The following ABCD2 variants were observed in gnomAD, a reference collection of about 807,000 sequenced individuals.
ABCD2 encodes ATP-binding cassette sub-family D member 2.
A neutral mutation model predicts 70.9 loss-of-function variants in ABCD2; 36 were observed. The ratio of observed to expected loss-of-function variants is 0.51; its 90% CI spans 0.39 to 0.67. ABCD2 has a LOEUF of 0.67. ABCD2 is among the 30% of genes least tolerant of loss of function. ABCD2 has a pLI of 0.00. For missense variants in ABCD2, 729 were observed against 890.2 expected, an observed-to-expected ratio of 0.82 and a Z score of 2.30; for synonymous variants, 304 against 306.9, an observed-to-expected ratio of 0.99 and a Z score of 0.10.
In ABCD2 at chr12:39,616,988, C is replaced by T; in HGVS notation, c.1120G>A (p.Glu374Lys). 6.3e-7 allele frequency: 1 copy of T among 1,580,776 alleles called. No homozygotes were observed. The highest frequency in any genetic ancestry group is 2.3e-5 in the East Asian group (1 of 44,310). The change falls in exon 2 of 10, where the codon GAG becomes AAG. Residue 374 changes from glutamate (E) to lysine (K), a missense_variant and splice_region_variant. By Grantham distance (56) the Glu-to-Lys change is moderately conservative. Coordinates refer to ENST00000308666, the MANE Select transcript of ABCD2 (RefSeq NM_005164.4). ...IITATGFADGEDGQKQVMVSE... is the reference protein window; with the variant it reads ...IITATGFADGKDGQKQVMVSE... The stretch of plus-strand genomic sequence containing the variant: ...TGAGATTAAGCATAAATGTCATTAC[C>T]ACCATCTGCAAAGCCAGTTGCAGTG...
intron 9 of ABCD2, among the ~76,000 whole-genome samples, chr12:39,565,505 C>T (rs1941331263): frequency 6.6e-6 from 1 of 152,174 alleles, no homozygotes; most frequent in African/African-American, 2.4e-5. Context: ...GCTGAAGTTG[C>T]TTATCAGCTT....
chr12:39,609,911 T>G (rs1942022553), intron 2 of ABCD2, among the ~76,000 whole-genome samples: 1 of 152,198 alleles, frequency 6.6e-6, no homozygotes, highest in Non-Finnish European at 1.5e-5. Flanking sequence ...TTTTCAGATT[T>G]TTTTTCCTGA....
the ABCD2 span, among the ~76,000 whole-genome samples, chr12:39,533,461 G>T: frequency 1.3e-5 from 2 of 152,286 alleles, no homozygotes; most frequent in South Asian, 4.1e-4. Flanking sequence ...AGCCCTGAAA[G>T]AGATGAATGA....
intron 5 of ABCD2, among the ~76,000 whole-genome samples, chr12:39,602,296 G>T (rs147819910): frequency 0.014 from 2,122 of 151,890 alleles, 24 homozygotes; most frequent in South Asian, 0.019. Context: ...GGGATTACAG[G>T]TGCCCACCAC....
intron 8 of ABCD2, among the ~76,000 whole-genome samples, chr12:39,575,723 C>T (rs921508327): frequency 6.6e-6 from 1 of 152,178 alleles, no homozygotes; most frequent in Non-Finnish European, 1.5e-5. Flanking sequence ...TTTCTCTTCA[C>T]TAGATTGAAT....
At chr12:39,542,958 C>A in the ABCD2 span, among the ~76,000 whole-genome samples, 11 of 152,172 alleles carry the variant, frequency 7.2e-5, no homozygotes, top group African/African-American at 2.2e-4. Context: ...CTGAATGGTG[C>A]TGACAAATCT....
At chr12:39,559,306 A>T (rs1591965504) in intron 9 of ABCD2, among the ~76,000 whole-genome samples, 1 of 148,652 alleles carries the variant, frequency 6.7e-6, no homozygotes, top group Non-Finnish European at 1.5e-5. Flanking sequence ...GAATCCAGGA[A>T]GCGGAGGTTG....
At chr12:39,610,077 C>T (rs759221039) in intron 2 of ABCD2, among the ~76,000 whole-genome samples, 10 of 152,006 alleles carry the variant, frequency 6.6e-5, no homozygotes, top group East Asian at 1.9e-4. Context: ...TTTTGAGAGA[C>T]GTCTTGAAGA....
chr12:39,563,868 C>G (rs1023131060), intron 9 of ABCD2, among the ~76,000 whole-genome samples: 1 of 152,092 alleles, frequency 6.6e-6, no homozygotes, highest in Non-Finnish European at 1.5e-5. Context: ...TGAGTGAGAA[C>G]ATGTGGTGTT....
rs766881094 is a variant in ABCD2, at chr12:39,604,867, T to C, written c.1300A>G (p.Lys434Glu). The stretch of plus-strand genomic sequence containing the variant: ...GCAGTTCTCTTATAAATGCCTCTTT[T>C]TACTTCATCAAAGACCCAAAACATA... ...YNMFWVFDEVKRGIYKRTAVI... is the reference protein window; with the variant it reads ...YNMFWVFDEVERGIYKRTAVI... Residue 434 changes from lysine to glutamate, a missense_variant, in exon 4 of 10, where the codon AAA (lysine) becomes GAA (glutamate). Transcript: ENST00000308666. The C allele has an allele frequency of 1.9e-6, 3 of 1,612,692 alleles. No individual in the cohort carries two copies. In the South Asian group the frequency reaches 3.3e-5, roughly 18 times the overall value.
chr12:39,559,854 T>A (rs1941228169), intron 9 of ABCD2, among the ~76,000 whole-genome samples: 1 of 152,174 alleles, frequency 6.6e-6, no homozygotes, highest in Non-Finnish European at 1.5e-5. Flanking sequence ...ACCAGATATG[T>A]CTTATAAGGA....
intron 2 of ABCD2, 65 bp downstream of exon 2, chr12:39,616,923 G>A: frequency 7.1e-7 from 1 of 1,415,238 alleles, no homozygotes; most frequent in Non-Finnish European, 9.5e-7. Context: ...CATAAAACTA[G>A]CAATGACAAC....
chr12:39,613,499 G>A (rs1942075784), intron 2 of ABCD2, among the ~76,000 whole-genome samples: 1 of 151,022 alleles, frequency 6.6e-6, no homozygotes, highest in Non-Finnish European at 1.5e-5. Flanking sequence ...AGAAAGGGGT[G>A]ATAGTCTTTA....
At chr12:39,582,124 G>A (rs944378484) in intron 7 of ABCD2, among the ~76,000 whole-genome samples, 2 of 152,074 alleles carry the variant, frequency 1.3e-5, no homozygotes, top group Non-Finnish European at 2.9e-5. Context: ...AATATTTCAG[G>A]TTTAAGAATT....
chr12:39,591,828 C>T (rs1050761304), intron 6 of ABCD2, among the ~76,000 whole-genome samples: 1 of 152,048 alleles, frequency 6.6e-6, no homozygotes, highest in African/African-American at 2.4e-5. Context: ...TATCAGATTA[C>T]CATTTAAATT....
chr12:39,616,853 G>C, intron 2 of ABCD2, 135 bp downstream of exon 2: 1 of 714,174 alleles, frequency 1.4e-6, no homozygotes, highest in African/African-American at 1.9e-5. Flanking sequence ...ACGCTGTAAA[G>C]TCTGCCATTG....
chr12:39,575,483 A>G (rs1051300216), intron 8 of ABCD2, among the ~76,000 whole-genome samples: 1 of 152,320 alleles, frequency 6.6e-6, no homozygotes, highest in African/African-American at 2.4e-5. Context: ...TTTGTGTATC[A>G]TCAGTAGAAT....
chr12:39,610,763 TA>T (rs1942034382), intron 2 of ABCD2, among the ~76,000 whole-genome samples: 1 of 152,176 alleles, frequency 6.6e-6, no homozygotes, highest in East Asian at 1.9e-4. Context: ...AATAAAATAA[TA>T]AAAGCTTCCT....
chr12:39,590,016 A>T (rs1941724053), intron 6 of ABCD2, among the ~76,000 whole-genome samples: 1 of 152,226 alleles, frequency 6.6e-6, no homozygotes, highest in African/African-American at 2.4e-5. Context: ...GACTGTGTCA[A>T]GAAAATTCGG....
Sources: gnomAD v4.1 joint callset for allele counts (sites outside exome capture counted in the v4.1 genomes callset) on GRCh38, gnomAD v4.1.1 for gene constraint, MANE v1.5 for transcripts, NCBI Gene and HGNC (gene_info 2026-07-23, HGNC 2026-07-21) for gene names.